The following MACROD1 variants were observed in gnomAD, a reference collection of about 807,000 sequenced individuals.
The protein encoded by MACROD1 is mono-ADP ribosylhydrolase 1, also known as ADP-ribose glycohydrolase MACROD1.
Under a neutral mutation model 41.4 loss-of-function variants are expected in MACROD1, and 31 were observed. That is an observed-to-expected ratio of 0.75 (90% CI 0.56 to 1.01). The LOEUF is 1.01. MACROD1 is among the 50% of genes least tolerant of loss of function. MACROD1 has a pLI of 0.00. For missense variants in MACROD1, 473 were observed against 460.0 expected (o/e 1.03, Z -0.26); for synonymous variants, 252 against 203.4 (o/e 1.24, Z -2.03).
At chr11:64,059,293 C>T (rs887187811) in intron 3 of MACROD1, among the ~76,000 whole-genome samples, 2 of 152,112 alleles carry the variant, frequency 1.3e-5, no homozygotes, top group Admixed American at 6.5e-5. Context: ...GAGGGTCTTG[C>T]GGGTCCTGGC....
At chr11:64,088,677 G>A (rs1041668253) in intron 3 of MACROD1, among the ~76,000 whole-genome samples, 6 of 152,114 alleles carry the variant, frequency 3.9e-5, no homozygotes, top group Non-Finnish European at 5.9e-5. Flanking sequence ...CAAGTCACTC[G>A]ACCCCTCTGG....
chr11:64,000,105 A>C, intron 5 of MACROD1, 122 bp downstream of exon 5: 1 of 741,360 alleles, frequency 1.3e-6, no homozygotes, highest in Non-Finnish European at 2.2e-6. Context: ...TTGGCCCTTA[A>C]GGTTAAGAAG....
At chr11:64,041,091 G>A (rs996785164) in intron 3 of MACROD1, among the ~76,000 whole-genome samples, 6 of 150,614 alleles carry the variant, frequency 4.0e-5, no homozygotes, top group South Asian at 2.1e-4. Context: ...ATTCCTGCCC[G>A]CGTCACTCTC....
intron 3 of MACROD1, among the ~76,000 whole-genome samples, chr11:64,044,336 C>CT (rs1415106710): frequency 6.6e-6 from 1 of 151,210 alleles, no homozygotes; most frequent in Non-Finnish European, 1.5e-5. Context: ...ACTGCAGCCT[C>CT]TAACTTTTGG....
intron 3 of MACROD1, among the ~76,000 whole-genome samples, chr11:64,070,611 G>T (rs575720504): frequency 6.6e-6 from 1 of 152,312 alleles, no homozygotes; most frequent in African/African-American, 2.4e-5. Context: ...CCCCTTCCCA[G>T]AGGAGGAGAA....
At chr11:64,153,508 A>G (rs1945617303) in intron 1 of MACROD1, among the ~76,000 whole-genome samples, 1 of 152,122 alleles carries the variant, frequency 6.6e-6, no homozygotes, top group African/African-American at 2.4e-5. Context: ...GGAGGTTGGG[A>G]GGCCACCCTC....
At chr11:64,136,203 C>T (rs537193671) in intron 3 of MACROD1, among the ~76,000 whole-genome samples, 31 of 152,340 alleles carry the variant, frequency 2.0e-4, no homozygotes, top group African/African-American at 7.5e-4. Context: ...TCACCAAGTT[C>T]ACTAACCAGA....
intron 4 of MACROD1, chr11:64,009,151 ACAGGAGAGACACGGGCGT>A (rs1337530650): frequency 6.6e-6 from 1 of 152,102 alleles, no homozygotes; most frequent in Non-Finnish European, 1.5e-5. Context: ...GTCCTAATAA[ACAGGAGAGACACGGGCGT>A]CAGGGCTCTG....
chr11:64,076,143 T>C (rs1944196228), intron 3 of MACROD1, among the ~76,000 whole-genome samples: 1 of 152,204 alleles, frequency 6.6e-6, no homozygotes, highest in African/African-American at 2.4e-5. Flanking sequence ...GCCCCTGCCC[T>C]GACCCCAGCG....
chr11:64,089,170 G>A (rs1944446567), intron 3 of MACROD1, among the ~76,000 whole-genome samples: 1 of 152,212 alleles, frequency 6.6e-6, no homozygotes, highest in South Asian at 2.1e-4. Context: ...CACAGGGCGG[G>A]TCGGGGAGTG....
At chr11:64,058,340 C>T (rs779328464) in intron 3 of MACROD1, among the ~76,000 whole-genome samples, 9 of 152,350 alleles carry the variant, frequency 5.9e-5, no homozygotes, top group South Asian at 4.1e-4. Flanking sequence ...CGAAGGCTGA[C>T]GCTTAGAGGA....
intron 5 of MACROD1, 25 bp downstream of exon 5, chr11:64,000,202 A>C (rs756294469): frequency 2.5e-6 from 4 of 1,585,042 alleles, no homozygotes; most frequent in Middle Eastern, 1.7e-4. Context: ...TGCGCCCCAC[A>C]GCTGGGGGCG....
chr11:63,998,816 C>A, intron 10 of MACROD1, 22 bp downstream of exon 10: 2 of 1,514,536 alleles, frequency 1.3e-6, no homozygotes, highest in Non-Finnish European at 1.8e-6. Flanking sequence ...GGGGCCGCCG[C>A]ACGGGGCGAG....
intron 3 of MACROD1, among the ~76,000 whole-genome samples, chr11:64,114,526 C>G (rs1944937499): frequency 8.0e-6 from 1 of 124,262 alleles, no homozygotes; most frequent in African/African-American, 3.0e-5. Flanking sequence ...GATGGATGGA[C>G]AGGTGGATGT....
rs1225938882 is a variant in MACROD1, at chr11:64,122,651, T to C, written c.517+28588A>G. Among the ~76,000 whole-genome samples the C allele has an allele frequency of 6.6e-6, 1 of 152,096 alleles. No individual in the cohort carries two copies. Among genetic ancestry groups the C allele is most frequent in the African/African-American group, 2.4e-5 (1 of 41,418 alleles). Reference sequence around the variant, plus strand: ...GGGTTTGGTGAGAATACAGCCTCTGTTTCCCCTTCTGTAAAGTGGGGGTGT... The same window carrying C: ...GGGTTTGGTGAGAATACAGCCTCTGCTTCCCCTTCTGTAAAGTGGGGGTGT... On this transcript the variant is annotated intron_variant, in intron 3 of 10. Transcript: ENST00000255681. The surrounding 1 kb of genome is among the most constrained non-coding windows in gnomAD (Gnocchi z 4.0).
rs139180904 is a variant in MACROD1, at chr11:64,059,717, G to A, written c.518-44436C>T. Among the ~76,000 whole-genome samples, 168 of 152,354 alleles carry A rather than the reference G, an allele frequency of 1.1e-3. 2 individuals carry two copies. The highest frequency in any genetic ancestry group is 3.2e-3 in the African/African-American group (135 of 41,584). On this transcript the variant is annotated intron_variant, in intron 3 of 10. Transcript: ENST00000255681. Reference sequence around the variant, plus strand: ...GGCACAGAGAGGGGCAGGTCACTCAGCTACTCCCAGCTGAGGCAAACGCAG... The same window carrying A: ...GGCACAGAGAGGGGCAGGTCACTCAACTACTCCCAGCTGAGGCAAACGCAG...
intron 1 of MACROD1, among the ~76,000 whole-genome samples, chr11:64,153,009 CG>C (rs1945606856): frequency 6.6e-6 from 1 of 152,206 alleles, no homozygotes; most frequent in Non-Finnish European, 1.5e-5. Flanking sequence ...ATGAGGAAAC[CG>C]GGGCTCAGGG....
chr11:64,007,782 C>A (rs1416029724), intron 4 of MACROD1, among the ~76,000 whole-genome samples: 1 of 152,226 alleles, frequency 6.6e-6, no homozygotes, highest in Non-Finnish European at 1.5e-5. Context: ...CACACAACAC[C>A]CACCAGACTG....
intron 3 of MACROD1, among the ~76,000 whole-genome samples, chr11:64,021,578 C>G (rs867415242): frequency 2.0e-5 from 3 of 152,096 alleles, no homozygotes; most frequent in African/African-American, 7.2e-5. Flanking sequence ...CCCTGGAGGC[C>G]GCCTCCACTC....
Sources: allele counts gnomAD v4.1 joint callset (sites outside exome capture counted in the v4.1 genomes callset), GRCh38; gene constraint gnomAD v4.1.1; non-coding constraint Gnocchi (gnomAD v3.1); transcripts MANE v1.5; gene names NCBI Gene and HGNC (gene_info 2026-07-23, HGNC 2026-07-21).